The following SNTG1 variants were observed in gnomAD, a reference collection of about 807,000 sequenced individuals.
The protein encoded by SNTG1 is gamma-1-syntrophin.
In SNTG1, 39 loss-of-function variants were observed where a neutral mutation model predicts 74.7. The observed-to-expected ratio is 0.52, with a 90% CI of 0.40 to 0.68. SNTG1 has a LOEUF of 0.68. Among genes scored for constraint, SNTG1 ranks in the 30% least tolerant of loss-of-function variants. SNTG1 has a pLI of 0.00. For missense variants in SNTG1, 685 were observed against 609.5 expected (o/e 1.12, Z -1.30); for synonymous variants, 254 against 217.1 (o/e 1.17, Z -1.49).
chr8:50,462,796 C>CTTTTTTTTT lies in SNTG1; in HGVS notation c.363+12098_363+12106dup, dbSNP rs869119447. Among the ~76,000 whole-genome samples the CTTTTTTTTT allele has an allele frequency of 7.1e-4, 41 of 57,438 alleles. 5 individuals carry two copies. Among genetic ancestry groups the CTTTTTTTTT allele is most frequent in the East Asian group, 1.8e-3 (3 of 1,680 alleles). The allele number at this position is 57,438 out of a possible 152,430, so 37.7% of individuals were successfully genotyped here. Reference sequence around the variant, plus strand: ...CTCAGTCGCATCTTCAGGTTCTACTCTTTTTTTTTTTTTTTTTTTTTTTTT... The same window carrying CTTTTTTTTT: ...CTCAGTCGCATCTTCAGGTTCTACTCTTTTTTTTTTTTTTTTTTTTTTTTTTTTTTTTTT... On this transcript the variant is annotated intron_variant, in intron 8 of 18. Coordinates refer to ENST00000642720, the MANE Select transcript of SNTG1 (RefSeq NM_018967.5).
chr8:50,127,405 AT>A (rs2081180599), intron 1 of SNTG1, among the ~76,000 whole-genome samples: 1 of 152,178 alleles, frequency 6.6e-6, no homozygotes. Context: ...ATCATCTTGA[AT>A]GACTTAAGCA....
At chr8:50,114,149 T>A (rs2131320338) in intron 1 of SNTG1, among the ~76,000 whole-genome samples, 1 of 152,278 alleles carries the variant, frequency 6.6e-6, no homozygotes, top group African/African-American at 2.4e-5. Flanking sequence ...GAGACACTCA[T>A]TTACTTTGAT....
intron 1 of SNTG1, among the ~76,000 whole-genome samples, chr8:49,942,344 T>A (rs896338042): frequency 1.3e-5 from 2 of 152,230 alleles, no homozygotes; most frequent in Non-Finnish European, 2.9e-5. Flanking sequence ...TTGAGTAGTT[T>A]TTAATATACA....
chr8:50,570,105 G>C (rs1004394131), intron 12 of SNTG1, among the ~76,000 whole-genome samples: 4 of 151,686 alleles, frequency 2.6e-5, no homozygotes, highest in Non-Finnish European at 4.4e-5. Flanking sequence ...TTTTTAACAA[G>C]TTTTAATATT....
At chr8:50,680,818 A>G (rs2095328002) in intron 15 of SNTG1, among the ~76,000 whole-genome samples, 1 of 152,090 alleles carries the variant, frequency 6.6e-6, no homozygotes. Flanking sequence ...CGCAGCTCCA[A>G]CCAGCTTAAA....
chr8:50,671,590 G>T (rs1289605229), intron 15 of SNTG1, among the ~76,000 whole-genome samples: 3 of 151,984 alleles, frequency 2.0e-5, no homozygotes, highest in African/African-American at 2.4e-5. Flanking sequence ...TTTTACACTG[G>T]TGATGGGACT....
chr8:50,257,638 C>T (rs1402341715), intron 2 of SNTG1, among the ~76,000 whole-genome samples: 6 of 152,122 alleles, frequency 3.9e-5, no homozygotes, highest in African/African-American at 7.2e-5. Context: ...CAGTCCTTGG[C>T]GATGGCCTTG....
chr8:50,419,782 C>G (rs2093058533), intron 4 of SNTG1, among the ~76,000 whole-genome samples: 1 of 151,826 alleles, frequency 6.6e-6, no homozygotes, highest in Admixed American at 6.6e-5. Flanking sequence ...CATAAAATTG[C>G]TATATATTAG....
At chr8:50,692,946 G>A (rs559757358) in intron 15 of SNTG1, among the ~76,000 whole-genome samples, 17 of 152,272 alleles carry the variant, frequency 1.1e-4, no homozygotes, top group South Asian at 4.1e-4. Flanking sequence ...AAACTAACCC[G>A]GCAATGGTGG....
At chr8:50,088,727 T>C (rs1823161185) in intron 1 of SNTG1, among the ~76,000 whole-genome samples, 2 of 145,634 alleles carry the variant, frequency 1.4e-5, no homozygotes, top group Admixed American at 7.1e-5. Flanking sequence ...CAAGGAGAAC[T>C]ACAAACCACT....
intron 4 of SNTG1, among the ~76,000 whole-genome samples, chr8:50,423,372 CCT>C (rs1285565826): frequency 6.6e-6 from 1 of 152,112 alleles, no homozygotes; most frequent in African/African-American, 2.4e-5. Flanking sequence ...TCATAAAAAT[CCT>C]CTCATTTCTC....
intron 18 of SNTG1, among the ~76,000 whole-genome samples, chr8:50,762,255 A>G (rs2095601099): frequency 6.6e-6 from 1 of 152,046 alleles, no homozygotes; most frequent in Non-Finnish European, 1.5e-5. Context: ...ACATATCTTT[A>G]GAAGGGGTGA....
At chr8:50,331,657 G>A (rs980489300) in intron 2 of SNTG1, among the ~76,000 whole-genome samples, 2 of 152,178 alleles carry the variant, frequency 1.3e-5, no homozygotes, top group African/African-American at 4.8e-5. Context: ...ATGTGGTTAA[G>A]AGAAGTATCT....
intron 2 of SNTG1, among the ~76,000 whole-genome samples, chr8:50,224,942 G>T (rs780211477): frequency 6.6e-6 from 1 of 152,202 alleles, no homozygotes; most frequent in Admixed American, 6.5e-5. Flanking sequence ...ATAAAGGAAA[G>T]AATTAACTAA....
chr8:50,071,957 G>T (rs1408338832), intron 1 of SNTG1, among the ~76,000 whole-genome samples: 1 of 151,992 alleles, frequency 6.6e-6, no homozygotes. Flanking sequence ...TTCCATTAAA[G>T]AATACTATTT....
At chr8:50,340,512 C>G (rs965406892) in intron 2 of SNTG1, among the ~76,000 whole-genome samples, 3 of 151,928 alleles carry the variant, frequency 2.0e-5, no homozygotes, top group Non-Finnish European at 4.4e-5. Flanking sequence ...AACTGGACAT[C>G]CACATGAAAG....
chr8:50,319,022 A>G (rs1474308700), intron 2 of SNTG1, among the ~76,000 whole-genome samples: 2 of 152,010 alleles, frequency 1.3e-5, no homozygotes, highest in African/African-American at 2.4e-5. Flanking sequence ...CAGAACACAT[A>G]TACACATATA....
chr8:50,641,964 C>T (rs1357802083), intron 13 of SNTG1, among the ~76,000 whole-genome samples: 5 of 152,210 alleles, frequency 3.3e-5, no homozygotes, highest in Admixed American at 2.0e-4. Context: ...TCTGACAAGA[C>T]TAGACCATGC....
chr8:49,912,336 G>A (rs985049530), intron 1 of SNTG1, 105 bp downstream of exon 1: 2 of 152,176 alleles, frequency 1.3e-5, no homozygotes, highest in African/African-American at 2.4e-5. Flanking sequence ...GGTTAACGAG[G>A]AGACAAGCAA....
Sources: gnomAD v4.1 joint callset for allele counts (sites outside exome capture counted in the v4.1 genomes callset) on GRCh38, gnomAD v4.1.1 for gene constraint, MANE v1.5 for transcripts, NCBI Gene and HGNC (gene_info 2026-07-23, HGNC 2026-07-21) for gene names.